The following DMD variants were observed in gnomAD, a reference collection of about 807,000 sequenced individuals.
The protein encoded by DMD is dystrophin.
A neutral mutation model predicts 330.1 loss-of-function variants in DMD; 63 were observed. The observed-to-expected ratio is 0.19, with a 90% CI of 0.16 to 0.24. The LOEUF is 0.24. Among genes scored for constraint, DMD ranks in the 10% least tolerant of loss-of-function variants. DMD has a pLI of 1.00. For missense variants in DMD, 3,344 were observed against 2,684.1 expected (o/e 1.25, Z -5.43); for synonymous variants, 1,223 against 959.8 (o/e 1.27, Z -5.07).
intron 44 of DMD, among the ~76,000 whole-genome samples, chrX:32,175,535 G>A (rs1377847019): frequency 9.0e-6 from 1 of 110,583 alleles, no homozygotes; most frequent in African/African-American, 3.3e-5. Flanking sequence ...GTTTGGGTTC[G>A]TGCCACCTTT....
At chrX:31,820,518 C>T (rs939843785) in intron 49 of DMD, among the ~76,000 whole-genome samples, 5 of 111,890 alleles carry the variant, frequency 4.5e-5, no homozygotes, top group African/African-American at 1.3e-4. Context: ...GCAGTGGACA[C>T]GGGAATATGC....
At chrX:32,328,820 A>C (rs1353497424) in intron 41 of DMD, among the ~76,000 whole-genome samples, 1 of 111,790 alleles carries the variant, frequency 8.9e-6, no homozygotes, top group Non-Finnish European at 1.9e-5. Flanking sequence ...GTTGAAACCC[A>C]TAATTTTGAA....
intron 62 of DMD, among the ~76,000 whole-genome samples, chrX:31,268,023 A>C (rs760085002): frequency 8.1e-5 from 9 of 111,554 alleles, no homozygotes; most frequent in African/African-American, 2.9e-4. Flanking sequence ...GATTCATTCC[A>C]CTTCGGTCTA....
intron 4 of DMD, among the ~76,000 whole-genome samples, chrX:32,827,641 G>A (rs1410380246): frequency 1.0e-5 from 1 of 97,639 alleles, no homozygotes; most frequent in African/African-American, 3.8e-5. Flanking sequence ...ATATCCATGT[G>A]TTCTTGTTAT....
chrX:32,862,150 T>C (rs2082119313), intron 2 of DMD, among the ~76,000 whole-genome samples: 1 of 111,948 alleles, frequency 8.9e-6, no homozygotes, highest in South Asian at 3.7e-4. Context: ...AGCACGAAAA[T>C]CTGGCTATGA....
At chrX:31,595,324 G>A (rs1290850508) in intron 55 of DMD, among the ~76,000 whole-genome samples, 1 of 110,860 alleles carries the variant, frequency 9.0e-6, no homozygotes, top group Non-Finnish European at 1.9e-5. Flanking sequence ...TGCTTCAGAT[G>A]GATTAAGCAC....
intron 41 of DMD, among the ~76,000 whole-genome samples, chrX:32,329,193 G>A (rs772449091): frequency 8.9e-6 from 1 of 112,239 alleles, no homozygotes; most frequent in Non-Finnish European, 1.9e-5. Flanking sequence ...ACATGCAAAG[G>A]TAACATTTGC....
At chrX:32,458,498 G>A (rs1292073349) in intron 25 of DMD, among the ~76,000 whole-genome samples, 3 of 110,884 alleles carry the variant, frequency 2.7e-5, no homozygotes, top group Non-Finnish European at 5.7e-5. Flanking sequence ...TATTTCCTTT[G>A]GATATATATC....
chrX:32,627,928 T>C (rs945078203), intron 11 of DMD, among the ~76,000 whole-genome samples: 2 of 110,627 alleles, frequency 1.8e-5, no homozygotes, highest in African/African-American at 6.6e-5. Flanking sequence ...ATATAGTATG[T>C]GTTTATATTT....
intron 47 of DMD, among the ~76,000 whole-genome samples, chrX:31,918,475 C>T (rs890033530): frequency 2.7e-5 from 3 of 111,055 alleles, no homozygotes; most frequent in Non-Finnish European, 3.8e-5. Context: ...ATATTTGAGG[C>T]CACGTTGGGA....
chrX:31,862,841 A>C (rs1327059322), intron 48 of DMD, among the ~76,000 whole-genome samples: 1 of 112,699 alleles, frequency 8.9e-6, no homozygotes, highest in Non-Finnish European at 1.9e-5. Flanking sequence ...AGCAGCATGC[A>C]CCGGCGAAAT....
At chrX:31,782,780 C>A in intron 50 of DMD, among the ~76,000 whole-genome samples, 1 of 111,263 alleles carries the variant, frequency 9.0e-6, no homozygotes, top group Admixed American at 9.6e-5. Context: ...GAGAACACAG[C>A]TGGAAAAGAC....
At position 32,140,689 on chromosome X, in the gene DMD, A is replaced by G. The variant is rs575336152; in HGVS notation, c.6438+76227T>C. ...AGAATCATGGTGGGAGGTGAAAGGC[A>G]CTTCTTACATGGAAGCAGAAGAGAA... is the stretch of plus-strand genomic sequence containing the variant. On this transcript the variant is annotated intron_variant, in intron 44 of 78. Coordinates refer to ENST00000357033, the MANE Select transcript of DMD (RefSeq NM_004006.3). 4.7e-4 allele frequency among the ~76,000 whole-genome samples: 52 copies of G among 111,762 alleles called. 1 individual carries two copies. In the South Asian group the frequency reaches 0.019, roughly 40 times the overall value.
At chrX:31,607,326 G>A (rs1179263414) in intron 55 of DMD, among the ~76,000 whole-genome samples, 7 of 111,922 alleles carry the variant, frequency 6.3e-5, no homozygotes, top group African/African-American at 2.3e-4. Context: ...TGGCTACAAT[G>A]ACACATAAAT....
intron 3 of DMD, 104 bp from the exon 4 acceptor site, chrX:32,844,964 C>A (rs910791115): frequency 7.6e-6 from 5 of 656,794 alleles, no homozygotes; most frequent in Non-Finnish European, 1.2e-5. Flanking sequence ...ATATTGTAAA[C>A]GAACAGAGCC....
Position 32,454,754 on chromosome X carries a change from C to T in DMD, c.3511G>A (p.Glu1171Lys), listed in dbSNP as rs1263708289. The T allele has an allele frequency of 4.2e-6, 5 of 1,202,011 alleles. No individual in the cohort carries two copies. In the East Asian group the frequency reaches 8.9e-5, roughly 21 times the overall value. The change falls in exon 26 of 79, where the codon GAA (glutamate) becomes AAA (lysine). Residue 1171 changes from glutamate to lysine, a missense_variant. Transcript: ENST00000357033. ...SLQKDLSEMH[E>K]WMTQAEEEYL... is the part of the protein sequence containing the mutation. The stretch of plus-strand genomic sequence containing the variant: ...TCTTCTTCAGCTTGTGTCATCCATT[C>T]GTGCATCTCTGATAGATCTTTCTGG...
At chrX:32,881,243 G>A (rs185600478) in intron 2 of DMD, among the ~76,000 whole-genome samples, 2 of 112,147 alleles carry the variant, frequency 1.8e-5, no homozygotes, top group African/African-American at 6.5e-5. Context: ...GAAACAAAAG[G>A]AATTTTAGCT....
intron 44 of DMD, among the ~76,000 whole-genome samples, chrX:32,027,140 T>C (rs1361932041): frequency 1.2e-5 from 1 of 81,833 alleles, no homozygotes; most frequent in African/African-American, 5.0e-5. Context: ...GGTTGAGTAT[T>C]ATGACACACA....
intron 20 of DMD, among the ~76,000 whole-genome samples, chrX:32,490,175 G>C (rs946910646): frequency 2.7e-5 from 3 of 110,755 alleles, no homozygotes; most frequent in Non-Finnish European, 5.7e-5. Flanking sequence ...CTTTTTTACA[G>C]TATGCAAATG....
Sources: gnomAD v4.1 joint callset for allele counts (sites outside exome capture counted in the v4.1 genomes callset) on GRCh38, gnomAD v4.1.1 for gene constraint, MANE v1.5 for transcripts, NCBI Gene and HGNC (gene_info 2026-07-23, HGNC 2026-07-21) for gene names.